The following DLGAP2 variants were observed in gnomAD, a reference collection of about 807,000 sequenced individuals.
The protein encoded by DLGAP2 is disks large-associated protein 2.
In DLGAP2, 26 loss-of-function variants were observed where a neutral mutation model predicts 100.3. The observed-to-expected ratio is 0.26, with a 90% CI of 0.19 to 0.36. DLGAP2 has a LOEUF of 0.36. Ranked by LOEUF, DLGAP2 falls within the 10% of genes least tolerant of loss-of-function variation. The pLI, the probability that DLGAP2 is intolerant of heterozygous loss-of-function variation, is 1.00. For missense variants in DLGAP2, 1,858 were observed against 1,453.2 expected (o/e 1.28, Z -4.53); for synonymous variants, 886 against 630.1 (o/e 1.41, Z -6.08).
chr8:1,012,194 C>G lies in DLGAP2; in HGVS notation c.73+104228C>G, dbSNP rs564510870. 1.4e-4 allele frequency among the ~76,000 whole-genome samples: 22 copies of G among 152,334 alleles called. No homozygotes were observed. The East Asian group carries it at 1.5e-3, about 11-fold the overall frequency. On this transcript the variant is annotated intron_variant, in intron 2 of 14. Coordinates refer to ENST00000637795, the MANE Select transcript of DLGAP2 (RefSeq NM_001346810.2). The stretch of plus-strand genomic sequence containing the variant: ...GAAGTTCTGCCTTTTAATTTTCGTC[C>G]TCACTCAGGCCTGACATGTCTGACA...
chr8:938,113 C>T (rs534104923), intron 2 of DLGAP2, among the ~76,000 whole-genome samples: 10 of 152,278 alleles, frequency 6.6e-5, no homozygotes, highest in South Asian at 4.2e-4. Flanking sequence ...GGACATCAAA[C>T]GTGCAGTGTG....
intron 3 of DLGAP2, among the ~76,000 whole-genome samples, chr8:1,363,750 G>C (rs1563106633): frequency 6.6e-6 from 1 of 152,382 alleles, no homozygotes; most frequent in East Asian, 1.9e-4. Flanking sequence ...TCTGGTGGCT[G>C]AGATGCATCC....
At chr8:1,555,514 G>C (rs1351652700) in intron 5 of DLGAP2, among the ~76,000 whole-genome samples, 1 of 152,184 alleles carries the variant, frequency 6.6e-6, no homozygotes, top group Non-Finnish European at 1.5e-5. Context: ...CTCCCACCTT[G>C]AGTACCGTCA....
At chr8:1,532,086 T>C (rs943806118) in intron 4 of DLGAP2, among the ~76,000 whole-genome samples, 1 of 152,184 alleles carries the variant, frequency 6.6e-6, no homozygotes, top group Non-Finnish European at 1.5e-5. Context: ...GATAAGCCCT[T>C]TGAAGGAGAC....
intron 14 of DLGAP2, among the ~76,000 whole-genome samples, chr8:1,700,110 C>G (rs1468205825): frequency 1.3e-5 from 2 of 152,198 alleles, no homozygotes; most frequent in East Asian, 3.8e-4. Flanking sequence ...GAACAAAGTT[C>G]CAGACACCAA....
intron 8 of DLGAP2, among the ~76,000 whole-genome samples, chr8:1,662,255 C>T (rs912769333): frequency 6.6e-6 from 1 of 152,244 alleles, no homozygotes; most frequent in Middle Eastern, 3.2e-3. Flanking sequence ...TTCATATAAT[C>T]TCCTCTTACT....
At chr8:857,987 A>C (rs1334845716) in intron 1 of DLGAP2, among the ~76,000 whole-genome samples, 1 of 151,764 alleles carries the variant, frequency 6.6e-6, no homozygotes. Flanking sequence ...TCTTGGGCCC[A>C]GCCTCCTGAG....
chr8:1,327,248 C>T (rs921533317), intron 3 of DLGAP2, among the ~76,000 whole-genome samples: 2 of 152,218 alleles, frequency 1.3e-5, no homozygotes, highest in African/African-American at 4.8e-5. Context: ...AGTGACCAAC[C>T]AGGGTCCCTT....
In DLGAP2 at chr8:1,167,593, T is replaced by G. The variant is rs576697284; in HGVS notation, c.74-91258T>G. Among the ~76,000 whole-genome samples, 14 of 152,326 alleles carry G rather than the reference T, an allele frequency of 9.2e-5. No homozygotes were observed. In the East Asian group the frequency reaches 2.3e-3, roughly 25 times the overall value. ...TGATCATAAGTGGCCCACATTGAGG[T>G]AATACTTAAAATTATATTGCACATA... is the stretch of plus-strand genomic sequence containing the variant. On this transcript the variant is annotated intron_variant, in intron 2 of 14. Transcript: ENST00000637795.
chr8:1,272,129 T>C (rs917232374), intron 3 of DLGAP2, among the ~76,000 whole-genome samples: 2 of 152,220 alleles, frequency 1.3e-5, no homozygotes, highest in Admixed American at 1.3e-4. Flanking sequence ...AATGATTTCA[T>C]TATTCTCCGT....
intron 6 of DLGAP2, among the ~76,000 whole-genome samples, chr8:1,625,431 C>T (rs1329820288): frequency 2.6e-5 from 4 of 152,078 alleles, no homozygotes; most frequent in Non-Finnish European, 4.4e-5. Context: ...CACAAAACGG[C>T]GAGAAGGAAG....
intron 1 of DLGAP2, among the ~76,000 whole-genome samples, chr8:741,613 T>C (rs984605754): frequency 1.3e-5 from 2 of 152,182 alleles, no homozygotes; most frequent in African/African-American, 4.8e-5. Context: ...TGTCTGTATT[T>C]ATTGGCGGGC....
At chr8:1,417,638 G>C (rs1034767091) in intron 3 of DLGAP2, among the ~76,000 whole-genome samples, 2 of 148,388 alleles carry the variant, frequency 1.3e-5, no homozygotes, top group Non-Finnish European at 3.0e-5. Flanking sequence ...CCTCCAGGGG[G>C]GCACGGGGAG....
intron 4 of DLGAP2, among the ~76,000 whole-genome samples, chr8:1,508,917 G>C (rs1470920962): frequency 2.0e-5 from 3 of 152,046 alleles, no homozygotes; most frequent in Admixed American, 6.6e-5. Context: ...ATGGTTTTCT[G>C]TTCTGCAGTT....
At chr8:753,065 G>A (rs1210148330) in intron 1 of DLGAP2, among the ~76,000 whole-genome samples, 1 of 152,218 alleles carries the variant, frequency 6.6e-6, no homozygotes, top group East Asian at 1.9e-4. Context: ...TTTGGGGCAA[G>A]TGTTACCATG....
At chr8:1,591,956 G>A (rs1796305477) in intron 6 of DLGAP2, among the ~76,000 whole-genome samples, 1 of 152,232 alleles carries the variant, frequency 6.6e-6, no homozygotes, top group Admixed American at 6.5e-5. Context: ...GAGGTGGCAT[G>A]CAGACAGGCC....
chr8:1,500,681 G>C (rs536295688), intron 3 of DLGAP2, among the ~76,000 whole-genome samples: 1 of 152,376 alleles, frequency 6.6e-6, no homozygotes, highest in South Asian at 2.1e-4. Context: ...ATGGAGGGAA[G>C]ACAGTGCTCA....
intron 2 of DLGAP2, among the ~76,000 whole-genome samples, chr8:1,063,472 G>A (rs1803150645): frequency 6.6e-6 from 1 of 150,424 alleles, no homozygotes; most frequent in Non-Finnish European, 1.5e-5. Context: ...ATGGTCCAGT[G>A]TGTTTTGGGA....
At chr8:1,516,691 CTGAG>C (rs879575554) in intron 4 of DLGAP2, among the ~76,000 whole-genome samples, 255 of 147,182 alleles carry the variant, frequency 1.7e-3, no homozygotes, top group African/African-American at 6.3e-3. Flanking sequence ...GAGTGAGTGA[CTGAG>C]TGAATGAGTG....
Sources: gnomAD v4.1 joint callset for allele counts (sites outside exome capture counted in the v4.1 genomes callset) on GRCh38, gnomAD v4.1.1 for gene constraint, MANE v1.5 for transcripts, NCBI Gene and HGNC (gene_info 2026-07-23, HGNC 2026-07-21) for gene names.